The following NOVA2 variants were observed in gnomAD, a reference collection of about 807,000 sequenced individuals.
The protein encoded by NOVA2 is NOVA alternative splicing regulator 2.
Under a neutral mutation model 22.5 loss-of-function variants are expected in NOVA2, and 9 were observed. The observed-to-expected ratio is 0.40, with a 90% CI of 0.24 to 0.70. The LOEUF (loss-of-function observed/expected upper bound fraction) is 0.70, where lower values mean the gene tolerates loss of function less well. NOVA2 is among the 30% of genes least tolerant of loss of function. The pLI is 0.38. For missense variants in NOVA2, 383 were observed against 682.8 expected (o/e 0.56, Z 4.89); for synonymous variants, 318 against 335.2 (o/e 0.95, Z 0.56).
chr19:45,951,578 A>G (rs1421131594), intron 3 of NOVA2, among the ~76,000 whole-genome samples: 3 of 151,542 alleles, frequency 2.0e-5, no homozygotes, highest in Non-Finnish European at 4.4e-5. Context: ...AGACCAGGCC[A>G]TTGTACTCCA....
At chr19:45,973,180 T>G in intron 1 of NOVA2, 87 bp downstream of exon 1, 1 of 612,016 alleles carries the variant, frequency 1.6e-6, no homozygotes, top group Non-Finnish European at 2.5e-6. Context: ...CCAGAGCCCT[T>G]GCACCTGCCA....
In NOVA2 at chr19:45,965,504, G is replaced by A. The variant is rs7254954; in HGVS notation, c.86-4351C>T. 3.6e-3 allele frequency among the ~76,000 whole-genome samples: 549 copies of A among 152,304 alleles called. 4 individuals carry two copies. The highest frequency in any genetic ancestry group is 0.013 in the African/African-American group (528 of 41,558). ...AGTGTTTTGGGAGGCCAAGGCGGGT[G>A]GATCACTTAAGGTCATGAGTTCGAG... On this transcript the variant is annotated intron_variant, in intron 1 of 3. Coordinates refer to ENST00000263257, the MANE Select transcript of NOVA2 (RefSeq NM_002516.4).
At chr19:45,970,621 C>G (rs932122523) in intron 1 of NOVA2, among the ~76,000 whole-genome samples, 7 of 152,240 alleles carry the variant, frequency 4.6e-5, no homozygotes, top group Admixed American at 4.6e-4. Flanking sequence ...AATGATCCAC[C>G]CGCCTCAGCC....
chr19:45,956,470 C>T (rs1214037075), intron 2 of NOVA2, among the ~76,000 whole-genome samples: 1 of 148,326 alleles, frequency 6.7e-6, no homozygotes, highest in Non-Finnish European at 1.5e-5. Flanking sequence ...ATTCTAAGCA[C>T]TTTTTTTTTT....
At chr19:45,948,322 G>A (rs1401211245) in intron 3 of NOVA2, among the ~76,000 whole-genome samples, 4 of 152,056 alleles carry the variant, frequency 2.6e-5, no homozygotes, top group Non-Finnish European at 5.9e-5. Context: ...ATTGTCAGCC[G>A]GGCGTGGGGG....
intron 2 of NOVA2, among the ~76,000 whole-genome samples, chr19:45,959,887 G>C (rs567735928): frequency 3.3e-5 from 5 of 151,878 alleles, no homozygotes; most frequent in African/African-American, 1.2e-4. Context: ...CTGGGCTCCA[G>C]CTCTGGTGTT....
intron 1 of NOVA2, among the ~76,000 whole-genome samples, chr19:45,961,575 C>T (rs1968097207): frequency 6.6e-6 from 1 of 152,004 alleles, no homozygotes; most frequent in Non-Finnish European, 1.5e-5. Flanking sequence ...AGAGGGAGGC[C>T]AGGGAAGCTC....
In NOVA2 at chr19:45,940,598, G is replaced by T; in HGVS notation, c.744C>A (p.Ala248=). The change falls in exon 4 of 4, where the codon GCC becomes GCA. Residue 248 remains alanine (A), a synonymous_variant. Coordinates refer to ENST00000263257, the MANE Select transcript of NOVA2 (RefSeq NM_002516.4). ...CGGCGGGGCCCAGCAGGCCGGAGGC[G>T]GCGGCGGCCGACGCTGCGGCCGCGG... The part of the protein sequence containing the change: ...LPAAAAASAA[A]ASGLLGPAGL... The T allele has an allele frequency of 7.0e-7, 1 of 1,420,088 alleles. No individual in the cohort carries two copies. Among genetic ancestry groups the T allele is most frequent in the South Asian group, 1.6e-5 (1 of 63,772 alleles). The allele number at this position is 1,420,088 out of a possible 1,614,324, so 88.0% of individuals were successfully genotyped here. A position where few individuals can be genotyped will look rare whatever the true frequency, so the allele number is the denominator to read the frequency against.
chr19:45,943,777 C>G (rs1052606733), intron 3 of NOVA2, among the ~76,000 whole-genome samples: 22 of 151,070 alleles, frequency 1.5e-4, no homozygotes, highest in Non-Finnish European at 2.5e-4. Flanking sequence ...CCCTATCCCC[C>G]CCAAAATAAA....
chr19:45,935,497 C>G lies in NOVA2; in HGVS notation c.*4366G>C, dbSNP rs1348909373. On this transcript the variant is annotated 3_prime_UTR_variant, in exon 4 of 4. Coordinates refer to ENST00000263257, the MANE Select transcript of NOVA2 (RefSeq NM_002516.4). ...CTTGGGTATCGCGATCCCGTTCTCCCCATCGTGACATCCAGTCCAGGCTTT... is the reference window on the plus strand; with the variant it reads ...CTTGGGTATCGCGATCCCGTTCTCCGCATCGTGACATCCAGTCCAGGCTTT... The G allele has an allele frequency of 6.6e-6, 1 of 152,214 alleles. No homozygotes were observed. The highest frequency in any genetic ancestry group is 1.9e-4 in the East Asian group (1 of 5,182). The allele number at this position is 152,214 out of a possible 1,614,324, so 9.4% of individuals were successfully genotyped here. A position where few individuals can be genotyped will look rare whatever the true frequency, so the allele number is the denominator to read the frequency against.
chr19:45,964,851 ATGCCTGGCCTC>A (rs1316823139), intron 1 of NOVA2, among the ~76,000 whole-genome samples: 2 of 152,012 alleles, frequency 1.3e-5, no homozygotes, highest in Non-Finnish European at 1.5e-5. Context: ...GTGAGTCACC[ATGCCTGGCCTC>A]TGCCTGGCCT....
chr19:45,969,943 C>T, intron 1 of NOVA2, among the ~76,000 whole-genome samples: 1 of 152,330 alleles, frequency 6.6e-6, no homozygotes, highest in East Asian at 1.9e-4. Flanking sequence ...GGGCAAGAAT[C>T]TCATCTGTCC....
chr19:45,966,577 C>T (rs1968170672), intron 1 of NOVA2, among the ~76,000 whole-genome samples: 1 of 152,036 alleles, frequency 6.6e-6, no homozygotes, highest in Admixed American at 6.6e-5. Flanking sequence ...CTAAATGCAT[C>T]CATTTAAAGA....
Position 45,939,916 on chromosome 19 carries a change from G to C in NOVA2, c.1426C>G (p.Arg476Gly). Residue 476 changes from arginine to glycine, a missense_variant, in exon 4 of 4, where the codon CGG becomes GGG. Physicochemically the swap from Arg to Gly is moderately radical, Grantham distance 125 (BLOSUM62 -2). Around this residue, in one of 2 missense-constraint regions of NOVA2, gnomAD observed 34 missense variants for 104.7 expected, o/e 0.32. Transcript: ENST00000263257. ...TQAAQYLISQRVTYEQGVRAS... is the reference protein window; with the variant it reads ...TQAAQYLISQGVTYEQGVRAS... ...CTCACTCCCTGCTCGTAGGTGACCC[G>C]CTGACTGATGAGGTATTGAGCGGCT... is the stretch of plus-strand genomic sequence containing the variant. 6.2e-7 allele frequency: 1 copy of C among 1,614,144 alleles called. No homozygotes were observed. Among genetic ancestry groups the C allele is most frequent in the Non-Finnish European group, 8.5e-7 (1 of 1,180,006 alleles).
At chr19:45,970,308 T>C (rs1968216753) in intron 1 of NOVA2, among the ~76,000 whole-genome samples, 1 of 152,108 alleles carries the variant, frequency 6.6e-6, no homozygotes, top group South Asian at 2.1e-4. Context: ...GAGAGTGATA[T>C]GAAATTGCAC....
intron 2 of NOVA2, among the ~76,000 whole-genome samples, chr19:45,959,821 GGAGAGA>G (rs146270704): frequency 1.3e-4 from 18 of 136,650 alleles, no homozygotes; most frequent in South Asian, 2.3e-4. Context: ...AGACAGAGAG[GGAGAGA>G]GAGAGAGAGA....
chr19:45,953,692 G>T, intron 3 of NOVA2, 88 bp downstream of exon 3: 1 of 1,483,300 alleles, frequency 6.7e-7, no homozygotes, highest in Non-Finnish European at 9.4e-7. Flanking sequence ...TTGTCCCATT[G>T]AACCTCACAG....
Position 45,940,467 on chromosome 19 carries a change from T to G in NOVA2, c.875A>C (p.Asn292Thr), listed in dbSNP as rs762239778. Reference protein sequence around the residue: ...ALNTLASYGYNTNSLGLGLNS... With the variant: ...ALNTLASYGYTTNSLGLGLNS... ...GAGGCCCAGGCCCAGGGAGTTGGTGTTGTAGCCGTAACTTGCCAGCGTGTT... is the reference window on the plus strand; with the variant it reads ...GAGGCCCAGGCCCAGGGAGTTGGTGGTGTAGCCGTAACTTGCCAGCGTGTT... Residue 292 changes from asparagine (N) to threonine (T), a missense_variant, in exon 4 of 4, where the codon AAC becomes ACC. Physicochemically the swap from Asn to Thr is moderately conservative, Grantham distance 65. Coordinates refer to ENST00000263257, the MANE Select transcript of NOVA2 (RefSeq NM_002516.4). 5.3e-5 allele frequency: 82 copies of G among 1,536,104 alleles called. 1 individual carries two copies. The South Asian group carries it at 7.9e-4, about 15-fold the overall frequency.
At chr19:45,961,231 C>G in intron 1 of NOVA2, 78 bp from the exon 2 acceptor site, 1 of 926,584 alleles carries the variant, frequency 1.1e-6, no homozygotes, top group Non-Finnish European at 1.7e-6. Flanking sequence ...AGAGGAAACC[C>G]CAGGGGTCAC....
Sources: gnomAD v4.1 joint callset for allele counts (sites outside exome capture counted in the v4.1 genomes callset) on GRCh38, gnomAD v4.1.1 for gene constraint, gnomAD v4.1.1 regional missense constraint, MANE v1.5 for transcripts, NCBI Gene and HGNC (gene_info 2026-07-23, HGNC 2026-07-21) for gene names.